Variants in SHANK2 observed in about 807,000 individuals in gnomAD.
The protein encoded by SHANK2 is SH3 and multiple ankyrin repeat domains protein 2.
In SHANK2, 43 loss-of-function variants were observed where a neutral mutation model predicts 133.7. The observed-to-expected ratio is 0.32, with a 90% confidence interval of 0.25 to 0.41. SHANK2 has a LOEUF of 0.41. SHANK2 is among the 10% of genes least tolerant of loss of function. SHANK2 has a pLI of 1.00. For synonymous variants in SHANK2, 1,017 were observed against 952.8 expected, an observed-to-expected ratio of 1.07 and a Z score of -1.24; for missense variants, 1,994 against 2,235.8, an observed-to-expected ratio of 0.89 and a Z score of 2.18.
chr11:70,822,476 G>A (rs1260764890), intron 11 of SHANK2, among the ~76,000 whole-genome samples: 2 of 150,632 alleles, frequency 1.3e-5, no homozygotes, highest in Admixed American at 6.6e-5. Context: ...GGACAAAGAT[G>A]GCACTGGCAG....
At chr11:70,847,060 G>A (rs1555063654) in intron 11 of SHANK2, among the ~76,000 whole-genome samples, 13 of 152,344 alleles carry the variant, frequency 8.5e-5, no homozygotes, top group Admixed American at 6.5e-4. Context: ...TCACTTTACA[G>A]AGGAGAGGTG....
intron 17 of SHANK2, among the ~76,000 whole-genome samples, chr11:70,618,508 C>T (rs1291220582): frequency 2.0e-5 from 3 of 152,150 alleles, no homozygotes; most frequent in African/African-American, 7.2e-5. Flanking sequence ...CAATGAATGG[C>T]CCCTGGCTCT....
intron 10 of SHANK2, among the ~76,000 whole-genome samples, chr11:70,954,877 T>C (rs1037936066): frequency 1.3e-5 from 2 of 152,232 alleles, no homozygotes; most frequent in Admixed American, 6.5e-5. Flanking sequence ...CTATGCCCTG[T>C]TCATTGTCCC....
intron 3 of SHANK2, among the ~76,000 whole-genome samples, chr11:71,126,455 G>A (rs1221036996): frequency 5.9e-5 from 9 of 152,084 alleles, no homozygotes; most frequent in South Asian, 2.1e-4. Flanking sequence ...GGAGATAAAC[G>A]TTTTCATGCT....
intron 1 of SHANK2, among the ~76,000 whole-genome samples, chr11:71,230,272 C>A (rs1398903447): frequency 6.6e-6 from 1 of 151,854 alleles, no homozygotes; most frequent in African/African-American, 2.4e-5. Flanking sequence ...CCAACCTGGG[C>A]AACAGAGCAA....
chr11:70,768,855 C>A (rs944322245), intron 14 of SHANK2, among the ~76,000 whole-genome samples: 14 of 152,032 alleles, frequency 9.2e-5, no homozygotes, highest in Non-Finnish European at 1.3e-4. Context: ...TCTCACCCTG[C>A]ACATGGGAAG....
intron 2 of SHANK2, among the ~76,000 whole-genome samples, chr11:71,168,843 A>G (rs147107576): frequency 8.8e-4 from 134 of 152,244 alleles, no homozygotes; most frequent in African/African-American, 3.2e-3. Context: ...CCACACTTCT[A>G]AAAGTAATCA....
At chr11:70,476,545 CAATT>C (rs1312592302) in intron 25 of SHANK2, among the ~76,000 whole-genome samples, 5 of 152,186 alleles carry the variant, frequency 3.3e-5, no homozygotes, top group South Asian at 2.1e-4. Flanking sequence ...GTTGATAAAA[CAATT>C]AAGCCAAGAT....
intron 17 of SHANK2, among the ~76,000 whole-genome samples, chr11:70,639,841 T>C (rs546479483): frequency 6.6e-6 from 1 of 152,070 alleles, no homozygotes; most frequent in African/African-American, 2.4e-5. Context: ...CTGGCTCCTC[T>C]CTAAACTCTC....
intron 10 of SHANK2, among the ~76,000 whole-genome samples, chr11:70,926,136 G>T (rs1336405314): frequency 1.3e-5 from 2 of 151,982 alleles, no homozygotes; most frequent in East Asian, 1.9e-4. Flanking sequence ...AGCTGGGTGT[G>T]GTGGTATGTG....
chr11:70,825,259 A>T (rs1410048290), intron 11 of SHANK2, among the ~76,000 whole-genome samples: 1 of 152,296 alleles, frequency 6.6e-6, no homozygotes, highest in East Asian at 1.9e-4. Context: ...TACAGAATTA[A>T]CCTAACACCA....
intron 2 of SHANK2, among the ~76,000 whole-genome samples, chr11:71,222,915 G>T (rs1441026838): frequency 6.6e-6 from 1 of 152,268 alleles, no homozygotes; most frequent in Non-Finnish European, 1.5e-5. Flanking sequence ...AGACGAGGGG[G>T]ACTGTGGAGG....
intron 17 of SHANK2, among the ~76,000 whole-genome samples, chr11:70,549,523 C>T (rs10751246): frequency 0.75 from 114,604 of 152,240 alleles, 44,309 homozygotes; most frequent in Middle Eastern, 0.87. Flanking sequence ...AGGTTGCTTC[C>T]GCTGTCCTCT....
At chr11:70,941,390 T>C (rs1950644961) in intron 10 of SHANK2, among the ~76,000 whole-genome samples, 1 of 152,222 alleles carries the variant, frequency 6.6e-6, no homozygotes, top group Non-Finnish European at 1.5e-5. Flanking sequence ...GAACTACAGA[T>C]AACAGAAGCA....
At chr11:71,076,086 G>A (rs1452635846) in intron 8 of SHANK2, among the ~76,000 whole-genome samples, 1 of 152,192 alleles carries the variant, frequency 6.6e-6, no homozygotes, top group Non-Finnish European at 1.5e-5. Flanking sequence ...TCAGCACTTG[G>A]TGAGTCAGTG....
intron 14 of SHANK2, among the ~76,000 whole-genome samples, chr11:70,758,358 A>T (rs944765454): frequency 2.6e-5 from 4 of 151,396 alleles, no homozygotes; most frequent in African/African-American, 9.7e-5. Flanking sequence ...ACTGCTGTTC[A>T]CCGCCATCCC....
intron 14 of SHANK2, among the ~76,000 whole-genome samples, chr11:70,754,067 C>T (rs1555038088): frequency 6.6e-6 from 1 of 152,238 alleles, no homozygotes; most frequent in Non-Finnish European, 1.5e-5. Context: ...CCACCTCGGC[C>T]TCCCGAAGTG....
chr11:71,241,373 C>T (rs778449643), intron 1 of SHANK2, among the ~76,000 whole-genome samples: 8 of 152,164 alleles, frequency 5.3e-5, no homozygotes, highest in Admixed American at 2.6e-4. Flanking sequence ...AAGCTTCCAG[C>T]GAGCGGGAAG....
At chr11:70,566,548 A>G (rs137980328) in intron 17 of SHANK2, 1 of 152,274 alleles carries the variant, frequency 6.6e-6, no homozygotes, top group Non-Finnish European at 1.5e-5. Flanking sequence ...GAACCGCAAC[A>G]TGGTTGCCAA....
Sources: allele counts gnomAD v4.1 joint callset (sites outside exome capture counted in the v4.1 genomes callset), GRCh38; gene constraint gnomAD v4.1.1; transcripts MANE v1.5; gene names NCBI Gene and HGNC (gene_info 2026-07-23, HGNC 2026-07-21).